Variants in SYT16 observed in about 807,000 individuals in gnomAD.
SYT16 encodes the protein synaptotagmin 16.
A neutral mutation model predicts 61.4 loss-of-function variants in SYT16; 42 were observed. The observed-to-expected ratio is 0.68, with a 90% CI of 0.53 to 0.89. The LOEUF (loss-of-function observed/expected upper bound fraction) is 0.89, where lower values mean the gene tolerates loss of function less well. Among genes scored for constraint, SYT16 ranks in the 40% least tolerant of loss-of-function variants. The pLI, the probability that SYT16 is intolerant of heterozygous loss-of-function variation, is 0.00. For missense variants in SYT16, 804 were observed against 807.3 expected, an observed-to-expected ratio of 1.00 and a Z score of 0.05; for synonymous variants, 314 against 302.3, an observed-to-expected ratio of 1.04 and a Z score of -0.40.
At chr14:61,851,277 A>G (rs535066838) in intron 1 of SYT16, among the ~76,000 whole-genome samples, 14 of 152,312 alleles carry the variant, frequency 9.2e-5, no homozygotes, top group African/African-American at 3.4e-4. Context: ...TCCATGGTGT[A>G]TATGTACCAC....
At chr14:61,913,413 A>C (rs1475344153) in intron 1 of SYT16, among the ~76,000 whole-genome samples, 1 of 152,188 alleles carries the variant, frequency 6.6e-6, no homozygotes, top group Non-Finnish European at 1.5e-5. Context: ...TGGCTGACCA[A>C]AAAATTAAAA....
At chr14:62,085,363 ATGT>A (rs940337162) in intron 7 of SYT16, among the ~76,000 whole-genome samples, 9 of 152,302 alleles carry the variant, frequency 5.9e-5, no homozygotes, top group Non-Finnish European at 1.2e-4. Flanking sequence ...GAGTCTGAAA[ATGT>A]TGTTGAATTT....
At chr14:62,077,439 G>T (rs1374962816) in intron 5 of SYT16, among the ~76,000 whole-genome samples, 2 of 152,208 alleles carry the variant, frequency 1.3e-5, no homozygotes, top group Non-Finnish European at 2.9e-5. Context: ...TTTTCCTGCA[G>T]ACCCAGGGCT....
chr14:61,880,837 T>C (rs925164246), intron 1 of SYT16, among the ~76,000 whole-genome samples: 1 of 152,180 alleles, frequency 6.6e-6, no homozygotes, highest in African/African-American at 2.4e-5. Context: ...TATAAATTTG[T>C]CAGGGTTTTC....
intron 1 of SYT16, among the ~76,000 whole-genome samples, chr14:61,866,827 T>C (rs2047171113): frequency 6.6e-6 from 1 of 152,118 alleles, no homozygotes; most frequent in Non-Finnish European, 1.5e-5. Context: ...AAGAAATCTT[T>C]GCCTAATCCA....
intron 3 of SYT16, among the ~76,000 whole-genome samples, chr14:62,037,129 C>T (rs1166626129): frequency 1.3e-5 from 2 of 152,118 alleles, no homozygotes; most frequent in Non-Finnish European, 2.9e-5. Flanking sequence ...CTCTGAGCTA[C>T]AGTCAGGTCT....
intron 1 of SYT16, chr14:61,865,089 C>A: frequency 7.3e-7 from 1 of 1,361,524 alleles, no homozygotes; most frequent in Non-Finnish European, 1.1e-6. Flanking sequence ...AAATGGCCCA[C>A]TGTGACTCAT....
intron 7 of SYT16, among the ~76,000 whole-genome samples, chr14:62,091,343 A>G (rs2057066072): frequency 6.6e-6 from 1 of 152,226 alleles, no homozygotes; most frequent in Admixed American, 6.5e-5. Context: ...GATGCAATTC[A>G]GAAAGAAAGC....
At chr14:62,028,609 T>C (rs1368151410) in intron 3 of SYT16, among the ~76,000 whole-genome samples, 2 of 152,240 alleles carry the variant, frequency 1.3e-5, no homozygotes, top group Non-Finnish European at 2.9e-5. Flanking sequence ...GTGTTAATTA[T>C]AAGTGTCAAA....
At chr14:62,096,366 A>G (rs555889983) in intron 7 of SYT16, among the ~76,000 whole-genome samples, 1 of 152,238 alleles carries the variant, frequency 6.6e-6, no homozygotes, top group Non-Finnish European at 1.5e-5. Flanking sequence ...TATCCTAGAG[A>G]AATTTTTGAA....
intron 1 of SYT16, among the ~76,000 whole-genome samples, chr14:61,813,671 C>A (rs2045338526): frequency 6.6e-6 from 1 of 151,920 alleles, no homozygotes. Context: ...GAGGCCGAGG[C>A]GGGAGGATCA....
In SYT16 at chr14:62,100,030, G is replaced by A. The variant is rs115518290; in HGVS notation, c.1625-364G>A. Among the ~76,000 whole-genome samples, 467 of 152,306 alleles carry A rather than the reference G, an allele frequency of 3.1e-3. 5 individuals are homozygous for A. Among genetic ancestry groups the A allele is most frequent in the African/African-American group, 0.011 (444 of 41,560 alleles). ...ATGAAAAAATCATGTAGAGCAAAAT[G>A]TGTATATTTATCTTGTTACATAAAT... On this transcript the variant is annotated intron_variant, in intron 7 of 7. Transcript: ENST00000683842.
At chr14:61,966,980 G>T (rs1254169367) in intron 1 of SYT16, among the ~76,000 whole-genome samples, 1 of 152,204 alleles carries the variant, frequency 6.6e-6, no homozygotes, top group Non-Finnish European at 1.5e-5. Context: ...CATAGTCCCT[G>T]TTCTTATAAA....
chr14:61,823,907 G>T (rs2045694118), intron 1 of SYT16, among the ~76,000 whole-genome samples: 1 of 152,226 alleles, frequency 6.6e-6, no homozygotes, highest in South Asian at 2.1e-4. Flanking sequence ...ATTCTCAAGA[G>T]TTTGGTTAAT....
chr14:61,967,042 A>G (rs946687837), intron 1 of SYT16, among the ~76,000 whole-genome samples: 1 of 152,244 alleles, frequency 6.6e-6, no homozygotes, highest in African/African-American at 2.4e-5. Flanking sequence ...AGGGCTTGGT[A>G]GGTGGCAACA....
At chr14:61,995,671 A>T (rs188786988) in intron 2 of SYT16, among the ~76,000 whole-genome samples, 1 of 152,254 alleles carries the variant, frequency 6.6e-6, no homozygotes, top group East Asian at 1.9e-4. Flanking sequence ...TGCTAATGGA[A>T]GTTTTCCACA....
intron 3 of SYT16, among the ~76,000 whole-genome samples, chr14:62,055,066 G>A (rs998418222): frequency 6.6e-6 from 1 of 152,194 alleles, no homozygotes; most frequent in African/African-American, 2.4e-5. Context: ...AGGATTCATT[G>A]GAGTGATAGA....
chr14:61,814,527 A>C (rs1026149938), intron 1 of SYT16, among the ~76,000 whole-genome samples: 1 of 152,256 alleles, frequency 6.6e-6, no homozygotes, highest in Non-Finnish European at 1.5e-5. Flanking sequence ...AGATGCTTCC[A>C]TACCAATTTA....
Position 61,989,546 on chromosome 14 carries a change from G to T in SYT16, c.-144-6330G>T, listed in dbSNP as rs1427352900. Among the ~76,000 whole-genome samples the T allele has an allele frequency of 3.3e-5, 5 of 152,158 alleles. No individual in the cohort carries two copies. In the South Asian group the frequency reaches 1.0e-3, roughly 32 times the overall value. ...CCACTGCACTCCAGCCTGGGCAACAGAGCAAGACTCCACCTCAAAAACAAA... is the reference window on the plus strand; with the variant it reads ...CCACTGCACTCCAGCCTGGGCAACATAGCAAGACTCCACCTCAAAAACAAA... On this transcript the variant is annotated intron_variant, in intron 2 of 7. Transcript: ENST00000683842.
Sources: allele counts gnomAD v4.1 joint callset (sites outside exome capture counted in the v4.1 genomes callset), GRCh38; gene constraint gnomAD v4.1.1; transcripts MANE v1.5; gene names NCBI Gene and HGNC (gene_info 2026-07-23, HGNC 2026-07-21).